Variants in SMCHD1 observed in about 807,000 individuals in gnomAD.
SMCHD1 encodes the protein structural maintenance of chromosomes flexible hinge domain containing 1, also known as structural maintenance of chromosomes flexible hinge domain-containing protein 1.
Under a neutral mutation model 254.7 loss-of-function variants are expected in SMCHD1, and 78 were observed. The observed-to-expected ratio is 0.31, with a 90% confidence interval of 0.26 to 0.37. The LOEUF is 0.37. Among genes scored for constraint, SMCHD1 ranks in the 10% least tolerant of loss-of-function variants. The pLI is 1.00. For synonymous variants in SMCHD1, 766 were observed against 794.9 expected, an observed-to-expected ratio of 0.96 and a Z score of 0.61; for missense variants, 1,840 against 2,408.1, an observed-to-expected ratio of 0.76 and a Z score of 4.94.
At chr18:2,669,785 A>G (rs2073545052) in intron 3 of SMCHD1, among the ~76,000 whole-genome samples, 1 of 152,190 alleles carries the variant, frequency 6.6e-6, no homozygotes, top group Non-Finnish European at 1.5e-5. Context: ...GGGAACCCTC[A>G]TCTGCTCACT....
At position 2,769,973 on chromosome 18, in the gene SMCHD1, CAA is replaced by C; in HGVS notation, c.4847-15_4847-14del. The C allele has an allele frequency of 6.4e-7, 1 of 1,569,840 alleles. No individual in the cohort carries two copies. The highest frequency in any genetic ancestry group is 1.2e-5 in the South Asian group (1 of 82,692). ...AGTTTTTAAATTATTTAAATTATCT[CAA>C]TTTTTTTTCTTAGATGTTAAGAAGC... On this transcript the variant is annotated splice_polypyrimidine_tract_variant and intron_variant, in intron 38 of 47. Coordinates refer to ENST00000320876, the MANE Select transcript of SMCHD1 (RefSeq NM_015295.3).
intron 17 of SMCHD1, among the ~76,000 whole-genome samples, chr18:2,708,696 A>T (rs1598347031): frequency 6.7e-6 from 1 of 148,158 alleles, no homozygotes; most frequent in South Asian, 2.1e-4. Flanking sequence ...GCTCACTGCA[A>T]CCTCCGCTTC....
At chr18:2,714,511 ATGT>A (rs1026277894) in intron 17 of SMCHD1, among the ~76,000 whole-genome samples, 9 of 151,942 alleles carry the variant, frequency 5.9e-5, no homozygotes, top group African/African-American at 1.9e-4. Context: ...TCTTGTCATA[ATGT>A]TGTTATCTAG....
chr18:2,744,482 ATATT>A (rs377153447), intron 29 of SMCHD1, among the ~76,000 whole-genome samples: 3 of 152,148 alleles, frequency 2.0e-5, no homozygotes, highest in Admixed American at 6.5e-5. Flanking sequence ...AAAATTGTAC[ATATT>A]TATTGTGTAC....
intron 28 of SMCHD1, among the ~76,000 whole-genome samples, chr18:2,741,173 C>G (rs2075343730): frequency 6.6e-6 from 1 of 152,076 alleles, no homozygotes; most frequent in Non-Finnish European, 1.5e-5. Flanking sequence ...TGTTTAAACC[C>G]TGTATTAACA....
At chr18:2,707,985 C>A in intron 17 of SMCHD1, 65 bp downstream of exon 17, 2 of 991,686 alleles carry the variant, frequency 2.0e-6, no homozygotes, top group Non-Finnish European at 2.9e-6. Flanking sequence ...AATTAAATAT[C>A]TTCATGTAAT....
chr18:2,708,119 C>T (rs2074562613), intron 17 of SMCHD1, among the ~76,000 whole-genome samples, 199 bp downstream of exon 17: 1 of 151,814 alleles, frequency 6.6e-6, no homozygotes, highest in African/African-American at 2.4e-5. Flanking sequence ...AATACTTCAT[C>T]TTGAATTTTT....
intron 47 of SMCHD1, among the ~76,000 whole-genome samples, chr18:2,798,219 C>T (rs1031618610): frequency 2.0e-5 from 3 of 151,730 alleles, no homozygotes; most frequent in African/African-American, 7.3e-5. Context: ...GATTATGAAA[C>T]TCCTCCCTCA....
In SMCHD1 at chr18:2,655,938, T is replaced by C. The variant is rs1337625667; in HGVS notation, c.-138T>C. On this transcript the variant is annotated 5_prime_UTR_variant, in exon 1 of 48. Transcript: ENST00000320876. ...CCTGCCGCTGCTCGGCCGCCGCCGC[T>C]GACGAGGAGCTGCAGCGCGCCGGGC... 6 of 586,322 alleles carry C rather than the reference T, an allele frequency of 1.0e-5. No homozygotes were observed. Among genetic ancestry groups the C allele is most frequent in the Non-Finnish European group, 1.5e-5 (6 of 402,168 alleles). 36.3% of individuals were successfully genotyped at this position (586,322 alleles called of 1,614,324 possible).
chr18:2,749,973 A>G, intron 30 of SMCHD1, 70 bp from the exon 31 acceptor site: 1 of 1,312,736 alleles, frequency 7.6e-7, no homozygotes, highest in Non-Finnish European at 1.1e-6. Flanking sequence ...AGAACATTGT[A>G]ATGGAAGAAA....
intron 29 of SMCHD1, 96 bp from the exon 30 acceptor site, chr18:2,747,424 CAG>C (rs2075476278): frequency 1.8e-6 from 2 of 1,084,586 alleles, no homozygotes; most frequent in Non-Finnish European, 1.3e-6. Context: ...GCAAATAGAA[CAG>C]AGATAAATTA....
chr18:2,771,402 G>T, intron 39 of SMCHD1, 131 bp from the exon 40 acceptor site: 1 of 624,662 alleles, frequency 1.6e-6, no homozygotes, highest in South Asian at 2.4e-5. Context: ...TTCTGAAATG[G>T]TCACCTATCA....
At chr18:2,749,046 G>A (rs2075522642) in intron 30 of SMCHD1, among the ~76,000 whole-genome samples, 1 of 152,196 alleles carries the variant, frequency 6.6e-6, no homozygotes, top group Non-Finnish European at 1.5e-5. Context: ...AAATGAGTCT[G>A]TTAAATGAGG....
intron 3 of SMCHD1, among the ~76,000 whole-genome samples, chr18:2,668,629 GC>G (rs1261922032): frequency 7.2e-5 from 11 of 152,074 alleles, no homozygotes. Context: ...ACTGGCTACT[GC>G]CTAAAATTTT....
In SMCHD1 at chr18:2,718,040, C is replaced by T. The variant is rs2074841458; in HGVS notation, c.2261-118C>T. On this transcript the variant is annotated intron_variant, in intron 17 of 47. Coordinates refer to ENST00000320876, the MANE Select transcript of SMCHD1 (RefSeq NM_015295.3). This position sits in a 1 kb window ranked among gnomAD's most constrained non-coding sequence, Gnocchi z 4.6. ...TAGGATAGTGTTAGATCTTTTGAAG[C>T]TTCAAAGCAGGTTTTAAAATACAGC... The T allele has an allele frequency of 2.9e-6, 2 of 693,632 alleles. No individual in the cohort carries two copies. Among genetic ancestry groups the T allele is most frequent in the Admixed American group, 5.7e-5 (2 of 35,192 alleles). 43.0% of individuals were successfully genotyped at this position (693,632 alleles called of 1,614,324 possible).
intron 29 of SMCHD1, among the ~76,000 whole-genome samples, chr18:2,745,089 C>T (rs1366606081): frequency 2.6e-5 from 4 of 152,176 alleles, no homozygotes; most frequent in East Asian, 1.9e-4. Flanking sequence ...GCGATATGTC[C>T]GCCTTGGCCT....
intron 24 of SMCHD1, among the ~76,000 whole-genome samples, chr18:2,730,130 T>C (rs2075108454): frequency 6.6e-6 from 1 of 152,156 alleles, no homozygotes; most frequent in African/African-American, 2.4e-5. Flanking sequence ...TATACACACA[T>C]AGCTTTTTAT....
chr18:2,795,497 A>T (rs950842953), intron 45 of SMCHD1, among the ~76,000 whole-genome samples: 7 of 152,206 alleles, frequency 4.6e-5, no homozygotes, highest in Admixed American at 4.6e-4. Flanking sequence ...TGTCAGTTAC[A>T]CTTACACATC....
intron 9 of SMCHD1, 40 bp downstream of exon 9, chr18:2,697,162 G>T: frequency 9.6e-7 from 1 of 1,042,716 alleles, no homozygotes; most frequent in Non-Finnish European, 1.4e-6. Context: ...AAAATTATGA[G>T]ATATTTGTTC....
Sources: allele counts gnomAD v4.1 joint callset (sites outside exome capture counted in the v4.1 genomes callset), GRCh38; gene constraint gnomAD v4.1.1; non-coding constraint Gnocchi (gnomAD v3.1); transcripts MANE v1.5; gene names NCBI Gene and HGNC (gene_info 2026-07-23, HGNC 2026-07-21).